MTSS2: variants seen among roughly 807,000 people sequenced by gnomAD.
The protein encoded by MTSS2 is protein MTSS 2.
In MTSS2, 27 loss-of-function variants were observed where a neutral mutation model predicts 67.1. The ratio of observed to expected loss-of-function variants is 0.40; its 90% CI spans 0.30 to 0.55. MTSS2 has a LOEUF of 0.55. Ranked by LOEUF, MTSS2 falls within the 20% of genes least tolerant of loss-of-function variation. The probability of loss-of-function intolerance (pLI) is 0.43; values close to 1 mark genes in which losing one functional copy is unlikely to be tolerated. For synonymous variants in MTSS2, 624 were observed against 468.6 expected, an observed-to-expected ratio of 1.33 and a Z score of -4.28; for missense variants, 1,171 against 1,067.8, an observed-to-expected ratio of 1.10 and a Z score of -1.35.
chr16:70,665,197 A>AG (rs764325957), intron 12 of MTSS2, 101 bp from the exon 13 acceptor site: 1 of 1,358,502 alleles, frequency 7.4e-7, no homozygotes, highest in Non-Finnish European at 9.8e-7. Flanking sequence ...CAGGGCTATC[A>AG]GGGGGTCTCT....
At chr16:70,666,461 G>A (rs746053030) in intron 11 of MTSS2, among the ~76,000 whole-genome samples, 6 of 152,224 alleles carry the variant, frequency 3.9e-5, no homozygotes, top group Non-Finnish European at 7.3e-5. Flanking sequence ...ATGTGTGACC[G>A]GCAGGGTTCC....
intron 10 of MTSS2, among the ~76,000 whole-genome samples, chr16:70,675,859 C>G (rs1397438584): frequency 1.3e-5 from 2 of 152,238 alleles, no homozygotes; most frequent in Non-Finnish European, 2.9e-5. Flanking sequence ...CCCTCACTCT[C>G]TCCAATCCCT....
intron 14 of MTSS2, 24 bp downstream of exon 14, chr16:70,664,574 C>T: frequency 1.9e-6 from 3 of 1,607,366 alleles, no homozygotes; most frequent in Non-Finnish European, 1.7e-6. Context: ...TGTCCCTGGT[C>T]CCACCCCAGC....
intron 10 of MTSS2, among the ~76,000 whole-genome samples, chr16:70,675,649 C>T (rs1337254166): frequency 6.6e-6 from 1 of 152,206 alleles, no homozygotes; most frequent in Non-Finnish European, 1.5e-5. Flanking sequence ...ATCTCCTGAC[C>T]TCGTGATCCG....
At position 70,662,382 on chromosome 16, in the gene MTSS2, G is replaced by A. The variant is rs996333441; in HGVS notation, c.*1295C>T. ...GGCGTGACTTGGTGCGTGGGGTGGG[G>A]GCAGCCTTGCCCCTCCCCTTGCCCC... On this transcript the variant is annotated 3_prime_UTR_variant, in exon 15 of 15. Transcript: ENST00000338779. The A allele has an allele frequency of 6.6e-6, 1 of 152,244 alleles. No homozygotes were observed. The highest frequency in any genetic ancestry group is 2.1e-4 in the South Asian group (1 of 4,830). The allele number at this position is 152,244 out of a possible 1,614,324, so 9.4% of individuals were successfully genotyped here. A position where few individuals can be genotyped will look rare whatever the true frequency, so the allele number is the denominator to read the frequency against.
chr16:70,662,704 A>G lies in MTSS2; in HGVS notation c.*973T>C, dbSNP rs1171598514. 5 of 152,546 alleles carry G rather than the reference A, an allele frequency of 3.3e-5. No homozygotes were observed. Among genetic ancestry groups the G allele is most frequent in the African/African-American group, 4.8e-5 (2 of 41,374 alleles). The allele number at this position is 152,546 out of a possible 1,614,324, so 9.4% of individuals were successfully genotyped here. A position where few individuals can be genotyped will look rare whatever the true frequency, so the allele number is the denominator to read the frequency against. Reference sequence around the variant, plus strand: ...AGGCACTCCCAGACACACACCCTGTATCGTCCCCTCTCCCCCACACTTAGT... The same window carrying G: ...AGGCACTCCCAGACACACACCCTGTGTCGTCCCCTCTCCCCCACACTTAGT... On this transcript the variant is annotated 3_prime_UTR_variant, in exon 15 of 15. Coordinates refer to ENST00000338779, the MANE Select transcript of MTSS2 (RefSeq NM_138383.3).
chr16:70,679,910 C>T (rs1476686856), intron 4 of MTSS2, 33 bp from the exon 5 acceptor site: 1 of 1,550,148 alleles, frequency 6.5e-7, no homozygotes, highest in East Asian at 2.4e-5. Flanking sequence ...CAGGTCAGGG[C>T]CGGGCTCCCC....
chr16:70,665,017 C>T lies in MTSS2; in HGVS notation c.1208G>A (p.Arg403Gln), dbSNP rs200283902. The T allele has an allele frequency of 3.8e-5, 60 of 1,595,744 alleles. No individual in the cohort carries two copies. Among genetic ancestry groups the T allele is most frequent in the East Asian group, 1.3e-4 (6 of 44,782 alleles). Reference sequence around the variant, plus strand: ...ACTGGCAGGGCCTGGCTCTGTGTCTCGCAGGAGCTCCACTCGGTCCTTCCT... The same window carrying T: ...ACTGGCAGGGCCTGGCTCTGTGTCTTGCAGGAGCTCCACTCGGTCCTTCCT... Reference protein sequence around the residue: ...QRRKDRVELLRDTEPGPASGG... With the variant: ...QRRKDRVELLQDTEPGPASGG... The change falls in exon 13 of 15, where the codon CGA becomes CAA. Residue 403 changes from arginine to glutamine, a missense_variant. Transcript: ENST00000338779.
intron 12 of MTSS2, 101 bp from the exon 13 acceptor site, chr16:70,665,197 AG>A (rs764325957): frequency 5.9e-6 from 8 of 1,358,386 alleles, no homozygotes; most frequent in Non-Finnish European, 7.9e-6. Flanking sequence ...CAGGGCTATC[AG>A]GGGGTCTCTG....
At position 70,662,184 on chromosome 16, in the gene MTSS2, C is replaced by T. The variant is rs1567476075; in HGVS notation, c.*1493G>A. On this transcript the variant is annotated 3_prime_UTR_variant, in exon 15 of 15. Coordinates refer to ENST00000338779, the MANE Select transcript of MTSS2 (RefSeq NM_138383.3). Reference sequence around the variant, plus strand: ...AGCCTGGGAGGCTCAGACCCAGCTCCATTCTATCAATCAATCAATCAATCA... The same window carrying T: ...AGCCTGGGAGGCTCAGACCCAGCTCTATTCTATCAATCAATCAATCAATCA... The T allele has an allele frequency of 8.5e-6, 1 of 117,676 alleles. No homozygotes were observed. The highest frequency in any genetic ancestry group is 8.9e-5 in the Admixed American group (1 of 11,272). The allele number at this position is 117,676 out of a possible 1,614,324, so 7.3% of individuals were successfully genotyped here. A position where few individuals can be genotyped will look rare whatever the true frequency, so the allele number is the denominator to read the frequency against.
Position 70,663,905 on chromosome 16 carries a change from G to T in MTSS2, c.2016C>A (p.His672Gln), listed in dbSNP as rs1385558909. The T allele has an allele frequency of 1.3e-6, 2 of 1,549,010 alleles. No homozygotes were observed. Among genetic ancestry groups the T allele is most frequent in the Non-Finnish European group, 8.7e-7 (1 of 1,149,070 alleles). Residue 672 changes from histidine to glutamine, a missense_variant, in exon 15 of 15, where the codon CAC becomes CAA. Around this residue, in one of 2 missense-constraint regions of MTSS2, gnomAD observed 924 missense variants for 756.0 expected, o/e 1.22. Coordinates refer to ENST00000338779, the MANE Select transcript of MTSS2 (RefSeq NM_138383.3). Reference protein sequence around the residue: ...DEQQQLAANRHSLVEKLGELV... With the variant: ...DEQQQLAANRQSLVEKLGELV... ...GCTCCCCCAGCTTCTCCACCAGGCT[G>T]TGCCGGTTGGCCGCCAGCTGCTGCT...
intron 1 of MTSS2, among the ~76,000 whole-genome samples, chr16:70,684,230 T>A (rs985471886): frequency 6.6e-6 from 1 of 152,128 alleles, no homozygotes; most frequent in African/African-American, 2.4e-5. Flanking sequence ...GAGGGTGGTC[T>A]GTGTTGCCCA....
intron 1 of MTSS2, 23 bp downstream of exon 1, chr16:70,685,700 C>T (rs775821694): frequency 7.0e-6 from 9 of 1,285,264 alleles, no homozygotes; most frequent in Non-Finnish European, 9.0e-6. Context: ...GCCGCGCGCC[C>T]GGCCCCGCCG....
In MTSS2 at chr16:70,685,738, T is replaced by A. The variant is rs765948455; in HGVS notation, c.54A>T (p.Ile18=). 3.6e-6 allele frequency: 5 copies of A among 1,386,280 alleles called. No individual in the cohort carries two copies. In the African/African-American group the frequency reaches 7.6e-5, roughly 21 times the overall value. 85.9% of individuals were successfully genotyped at this position (1,386,280 alleles called of 1,614,324 possible). A position where few individuals can be genotyped will look rare whatever the true frequency, so the allele number is the denominator to read the frequency against. ...CGALGGLFQA[I]VNDMKSSYPI... ...CCCCGGTTACCTTCATGTCGTTGAC[T>A]ATGGCCTGGAAGAGCCCGCCCAGGG... Residue 18 remains isoleucine, a synonymous_variant, in exon 1 of 15, where the codon ATA becomes ATT. Transcript: ENST00000338779.
intron 11 of MTSS2, among the ~76,000 whole-genome samples, chr16:70,667,370 G>T (rs1228965518): frequency 6.7e-6 from 1 of 149,290 alleles, no homozygotes; most frequent in Admixed American, 6.7e-5. Flanking sequence ...ATTAGAATTA[G>T]TAAGGGGTTA....
chr16:70,678,112 G>C lies in MTSS2; in HGVS notation c.624+140C>G, dbSNP rs1567502447. 1.1e-5 allele frequency: 13 copies of C among 1,188,538 alleles called. No individual in the cohort carries two copies. The East Asian group carries it at 1.9e-4, about 17-fold the overall frequency. The allele number at this position is 1,188,538 out of a possible 1,614,324, so 73.6% of individuals were successfully genotyped here. On this transcript the variant is annotated intron_variant, in intron 8 of 14. Coordinates refer to ENST00000338779, the MANE Select transcript of MTSS2 (RefSeq NM_138383.3). Reference sequence around the variant, plus strand: ...ACCAAATCAGTGCATGGTGAGCTATGAGACCTGCCTTTGGGCCAGGAGCAT... The same window carrying C: ...ACCAAATCAGTGCATGGTGAGCTATCAGACCTGCCTTTGGGCCAGGAGCAT...
At chr16:70,667,502 A>G (rs1003429680) in intron 11 of MTSS2, among the ~76,000 whole-genome samples, 9 of 152,180 alleles carry the variant, frequency 5.9e-5, no homozygotes, top group African/African-American at 1.9e-4. Context: ...CATCAGTGTA[A>G]TTTACGATAA....
chr16:70,669,017 C>G (rs2052826146), intron 11 of MTSS2, among the ~76,000 whole-genome samples: 2 of 152,004 alleles, frequency 1.3e-5, no homozygotes, highest in Admixed American at 6.6e-5. Context: ...ACACACACAC[C>G]ACACACTCAA....
At chr16:70,681,726 C>A (rs1021023212) in intron 1 of MTSS2, among the ~76,000 whole-genome samples, 8 of 152,238 alleles carry the variant, frequency 5.3e-5, no homozygotes, top group Admixed American at 5.2e-4. Context: ...AACAGTGTGG[C>A]CTTTATCCCA....
Sources: allele counts gnomAD v4.1 joint callset (sites outside exome capture counted in the v4.1 genomes callset), GRCh38; gene constraint gnomAD v4.1.1; regional missense constraint gnomAD v4.1.1; transcripts MANE v1.5; gene names NCBI Gene and HGNC (gene_info 2026-07-23, HGNC 2026-07-21).